Variants in MS4A18 observed in about 807,000 individuals in gnomAD.
MS4A18 encodes membrane-spanning 4-domains subfamily A member 18.
MS4A18 carries 27 observed loss-of-function variants against 13.1 expected under a neutral mutation model. The ratio of observed to expected loss-of-function variants is 2.06; its 90% CI spans 1.52 to 2.84. The LOEUF (loss-of-function observed/expected upper bound fraction) is 2.84, where lower values mean the gene tolerates loss of function less well. MS4A18 is among the 30% of genes most tolerant of loss of function. The pLI is 0.00. For missense variants in MS4A18, 307 were observed against 196.4 expected, an observed-to-expected ratio of 1.56 and a Z score of -3.37; for synonymous variants, 126 against 76.5, an observed-to-expected ratio of 1.65 and a Z score of -3.38.
intron 5 of MS4A18, 89 bp from the exon 7 acceptor site, chr11:60,743,561 G>T: frequency 1.5e-6 from 1 of 658,152 alleles, no homozygotes; most frequent in Non-Finnish European, 2.8e-6. Flanking sequence ...CTACCTAAGG[G>T]TATGGAAACA....
At position 60,733,725 on chromosome 11, in the gene MS4A18, G is replaced by T. The variant is rs768468638; in HGVS notation, c.591+78G>T. 87 of 700,862 alleles carry T rather than the reference G, an allele frequency of 1.2e-4. 1 individual carries two copies. The highest frequency in any genetic ancestry group is 2.1e-4 in the Non-Finnish European group (79 of 383,934). 43.4% of individuals were successfully genotyped at this position (700,862 alleles called of 1,614,324 possible). A position where few individuals can be genotyped will look rare whatever the true frequency, so the allele number is the denominator to read the frequency against. ...AGGAAGTGGAGGAAGAAGGAGCATG[G>T]AATCCCATTCCCAGTAATATGACTC... On this transcript the variant is annotated intron_variant, in intron 2 of 5. Transcript: ENST00000529108.
intron 1 of MS4A18, 102 bp downstream of exon 2, chr11:60,729,888 G>A (rs2134673853): frequency 1.6e-6 from 1 of 613,098 alleles, no homozygotes; most frequent in Non-Finnish European, 2.9e-6. Flanking sequence ...TAAAGGGGAG[G>A]TGGAGTGGGT....
chr11:60,734,030 G>T (rs1051237874), intron 2 of MS4A18, among the ~76,000 whole-genome samples: 2 of 152,030 alleles, frequency 1.3e-5, no homozygotes, highest in African/African-American at 2.4e-5. Flanking sequence ...AATCACTTGG[G>T]GTCAGGAGTT....
chr11:60,730,739 C>T (rs1195007142), intron 1 of MS4A18, among the ~76,000 whole-genome samples: 3 of 152,142 alleles, frequency 2.0e-5, no homozygotes, highest in Admixed American at 6.5e-5. Context: ...GCGTTGTTTG[C>T]CTCCCAAACA....
chr11:60,731,134 A>G (rs927867413), intron 1 of MS4A18, among the ~76,000 whole-genome samples: 5 of 152,204 alleles, frequency 3.3e-5, no homozygotes, highest in Non-Finnish European at 7.3e-5. Flanking sequence ...GGTCACAAGC[A>G]TCAAGTGAGA....
chr11:60,729,662 A>G (rs1432610047), exon 1 of MS4A18: 1 of 702,732 alleles, frequency 1.4e-6, no homozygotes, highest in South Asian at 1.5e-5. Flanking sequence ...GACCTTCAGA[A>G]TCCTCTGAAT....
At chr11:60,734,075 C>G (rs550229505) in intron 2 of MS4A18, among the ~76,000 whole-genome samples, 13 of 152,070 alleles carry the variant, frequency 8.5e-5, no homozygotes, top group East Asian at 1.9e-4. Context: ...AAGACCTCCC[C>G]CCACCCGCCA....
At chr11:60,738,629 T>G (rs7924952) in intron 3 of MS4A18, among the ~76,000 whole-genome samples, 27,523 of 151,880 alleles carry the variant, frequency 0.18, 3,159 homozygotes, top group African/African-American at 0.32. Flanking sequence ...ATACCTGGGT[T>G]ATGAAATAAT....
chr11:60,731,768 G>A (rs1027233861), intron 1 of MS4A18, among the ~76,000 whole-genome samples: 6 of 152,158 alleles, frequency 3.9e-5, no homozygotes, highest in African/African-American at 7.2e-5. Flanking sequence ...CAGTGTTTCC[G>A]AAGTAAACAA....
chr11:60,737,295 G>T (rs754936), intron 3 of MS4A18, among the ~76,000 whole-genome samples: 2 of 152,322 alleles, frequency 1.3e-5, no homozygotes, highest in South Asian at 4.1e-4. Flanking sequence ...GCTGGGATTT[G>T]ACCCCAGAGC....
chr11:60,737,135 T>C lies in MS4A18; in HGVS notation c.648+101T>C, dbSNP rs540495094. 2.6e-5 allele frequency: 18 copies of C among 689,500 alleles called. 1 individual carries two copies. In the East Asian group the frequency reaches 3.5e-4, roughly 13 times the overall value. The allele number at this position is 689,500 out of a possible 1,614,324, so 42.7% of individuals were successfully genotyped here. A position where few individuals can be genotyped will look rare whatever the true frequency, so the allele number is the denominator to read the frequency against. On this transcript the variant is annotated intron_variant, in intron 3 of 5. Coordinates refer to ENST00000529108, the Ensembl canonical transcript of MS4A18. Reference sequence around the variant, plus strand: ...TCACAGTAGTGGTGTGGCCTGGCCCTGGCCCTGGGTACAGTGCATTTCCAT... The same window carrying C: ...TCACAGTAGTGGTGTGGCCTGGCCCCGGCCCTGGGTACAGTGCATTTCCAT...
chr11:60,741,654 A>T (rs955021227), intron 5 of MS4A18, among the ~76,000 whole-genome samples: 1 of 152,192 alleles, frequency 6.6e-6, no homozygotes, highest in Non-Finnish European at 1.5e-5. Flanking sequence ...CTACCTCTTG[A>T]TAAGAGGAGC....
chr11:60,729,395 A>G, exon 1 of MS4A18: 2 of 702,802 alleles, frequency 2.8e-6, no homozygotes, highest in Non-Finnish European at 5.2e-6. Context: ...CAGCCCAGCA[A>G]CCCTGTGGCC....
intron 1 of MS4A18, among the ~76,000 whole-genome samples, chr11:60,732,504 C>A (rs1238827571): frequency 5.3e-5 from 8 of 151,764 alleles, no homozygotes; most frequent in Non-Finnish European, 2.9e-5. Flanking sequence ...CCGAGGCGGG[C>A]GGTTCACGAG....
upstream of MS4A18, among the ~76,000 whole-genome samples, chr11:60,725,687 AG>A (rs1329658662): frequency 6.6e-5 from 10 of 152,322 alleles, no homozygotes; most frequent in African/African-American, 2.4e-4. Context: ...CATTTAGCAC[AG>A]TATTCATTAT....
At chr11:60,740,834 G>C (rs1853403767) in intron 4 of MS4A18, among the ~76,000 whole-genome samples, 196 bp from the exon 6 acceptor site, 1 of 152,186 alleles carries the variant, frequency 6.6e-6, no homozygotes, top group Non-Finnish European at 1.5e-5. Context: ...GGTGCTGGCA[G>C]TTGGAAGTCA....
chr11:60,738,022 A>G (rs2013549), intron 3 of MS4A18, among the ~76,000 whole-genome samples: 1 of 152,232 alleles, frequency 6.6e-6, no homozygotes, highest in East Asian at 1.9e-4. Flanking sequence ...CCCTAAGGTG[A>G]CTGCTGACTC....
intron 2 of MS4A18, among the ~76,000 whole-genome samples, chr11:60,736,637 C>A (rs980756984): frequency 2.6e-5 from 4 of 152,126 alleles, no homozygotes; most frequent in Admixed American, 6.5e-5. Flanking sequence ...GCAATTAATG[C>A]ATTTTGGCGA....
exon 1 of MS4A18, chr11:60,729,397 C>T (rs1209222912): frequency 1.4e-6 from 1 of 702,802 alleles, no homozygotes; most frequent in South Asian, 1.5e-5. Context: ...GCCCAGCAAC[C>T]CTGTGGCCTC....
Sources: gnomAD v4.1 joint callset for allele counts (sites outside exome capture counted in the v4.1 genomes callset) on GRCh38, gnomAD v4.1.1 for gene constraint, MANE v1.5 for transcripts, NCBI Gene and HGNC (gene_info 2026-07-23, HGNC 2026-07-21) for gene names.